ANO2: variants seen among roughly 807,000 people sequenced by gnomAD.
ANO2 encodes the protein anoctamin 2, also known as anoctamin-2.
Under a neutral mutation model 124.2 loss-of-function variants are expected in ANO2, and 101 were observed. The ratio of observed to expected loss-of-function variants is 0.81; its 90% CI spans 0.69 to 0.96. The LOEUF (loss-of-function observed/expected upper bound fraction) is 0.96, where lower values mean the gene tolerates loss of function less well. ANO2 is among the 40% of genes least tolerant of loss of function. ANO2 has a pLI of 0.00. For synonymous variants in ANO2, 486 were observed against 482.5 expected (o/e 1.01, Z -0.09); for missense variants, 1,293 against 1,274.5 (o/e 1.01, Z -0.22).
intron 14 of ANO2, among the ~76,000 whole-genome samples, chr12:5,659,423 C>T (rs1947333188): frequency 6.6e-6 from 1 of 152,134 alleles, no homozygotes; most frequent in Non-Finnish European, 1.5e-5. Flanking sequence ...CAGGTCCCAC[C>T]CCTCAGCCCC....
At chr12:5,701,087 A>ATTTTTTTTTTTTTTTTTTTTTTTTTTTT (rs56113538) in intron 14 of ANO2, among the ~76,000 whole-genome samples, 3 of 93,610 alleles carry the variant, frequency 3.2e-5, no homozygotes, top group African/African-American at 4.2e-5. Flanking sequence ...GTCATTTTCA[A>ATTTTTTTTTTTTTTTTTTTTTTTTTTTT]TTTTTTTTTT....
intron 14 of ANO2, among the ~76,000 whole-genome samples, chr12:5,702,079 G>A (rs556529117): frequency 1.3e-5 from 2 of 152,152 alleles, no homozygotes; most frequent in African/African-American, 2.4e-5. Context: ...TTTTTATAAC[G>A]TAAATTCTGT....
intron 3 of ANO2, among the ~76,000 whole-genome samples, chr12:5,874,930 T>C (rs370555744): frequency 4.6e-5 from 7 of 152,282 alleles, no homozygotes; most frequent in Admixed American, 6.5e-5. Flanking sequence ...ATAAACAATA[T>C]ATAAGTGAAT....
chr12:5,764,990 A>T (rs1174139158), intron 10 of ANO2, among the ~76,000 whole-genome samples: 1 of 152,258 alleles, frequency 6.6e-6, no homozygotes, highest in Non-Finnish European at 1.5e-5. Flanking sequence ...AGACTCTTCT[A>T]ACTATCCATA....
At chr12:5,773,983 A>T (rs140284022) in intron 10 of ANO2, among the ~76,000 whole-genome samples, 139 of 152,316 alleles carry the variant, frequency 9.1e-4, no homozygotes, top group African/African-American at 3.2e-3. Context: ...AAAAACTCCA[A>T]AGCAGAGGAT....
At chr12:5,892,565 T>C (rs1939488007) in intron 3 of ANO2, among the ~76,000 whole-genome samples, 2 of 152,042 alleles carry the variant, frequency 1.3e-5, no homozygotes, top group South Asian at 4.1e-4. Flanking sequence ...TACAGGAAAA[T>C]AGTGATTTGA....
chr12:5,651,790 T>C (rs1946927468), intron 14 of ANO2, among the ~76,000 whole-genome samples: 1 of 152,222 alleles, frequency 6.6e-6, no homozygotes, highest in African/African-American at 2.4e-5. Flanking sequence ...ATCTGTTTTA[T>C]GCCCCTCTGG....
intron 11 of ANO2, 146 bp downstream of exon 11, chr12:5,750,690 G>A (rs1438067575): frequency 3.5e-6 from 3 of 857,256 alleles, no homozygotes; most frequent in Admixed American, 6.1e-5. Context: ...ATCTGTCTCT[G>A]GAGGAAAGCT....
intron 5 of ANO2, 89 bp downstream of exon 5, chr12:5,832,363 T>C: frequency 4.0e-6 from 6 of 1,493,472 alleles, no homozygotes; most frequent in Non-Finnish European, 5.4e-6. Context: ...GCACCCACTT[T>C]GGGAGCCCCA....
Position 5,732,677 on chromosome 12 carries a change from C to T in ANO2, c.1435-47G>A, listed in dbSNP as rs141835588. On this transcript the variant is annotated intron_variant, in intron 13 of 24. Transcript: ENST00000682330. Reference sequence around the variant, plus strand: ...GGTTAGTAAACAAAAGGAAGAATGACCTTGGCCTTAGGGTTATAACCAGAC... The same window carrying T: ...GGTTAGTAAACAAAAGGAAGAATGATCTTGGCCTTAGGGTTATAACCAGAC... 2.8e-5 allele frequency: 44 copies of T among 1,577,266 alleles called. No homozygotes were observed. In the East Asian group the frequency reaches 9.9e-4, roughly 35 times the overall value.
At chr12:5,679,155 T>C (rs942261831) in intron 14 of ANO2, among the ~76,000 whole-genome samples, 2 of 122,438 alleles carry the variant, frequency 1.6e-5, no homozygotes, top group African/African-American at 5.1e-5. Context: ...ATTAAATACT[T>C]AAATGTAAAA....
chr12:5,788,976 A>C (rs975616633), intron 10 of ANO2, among the ~76,000 whole-genome samples: 2 of 152,208 alleles, frequency 1.3e-5, no homozygotes, highest in Non-Finnish European at 2.9e-5. Flanking sequence ...ATCCCCATAG[A>C]GATGATCCTG....
At chr12:5,628,587 C>T (rs552667085) in intron 16 of ANO2, among the ~76,000 whole-genome samples, 2 of 152,274 alleles carry the variant, frequency 1.3e-5, no homozygotes, top group African/African-American at 4.8e-5. Context: ...ATTACCTACC[C>T]TCCTGGGGCT....
At chr12:5,836,890 A>C (rs1226601470) in intron 4 of ANO2, 1 of 154,346 alleles carries the variant, frequency 6.5e-6, no homozygotes, top group Non-Finnish European at 1.5e-5. Flanking sequence ...GTAATTTTAT[A>C]CTTATTTGAG....
At chr12:5,765,177 T>C (rs2137112743) in intron 10 of ANO2, among the ~76,000 whole-genome samples, 1 of 152,272 alleles carries the variant, frequency 6.6e-6, no homozygotes, top group South Asian at 2.1e-4. Flanking sequence ...AGAGAAACAG[T>C]AGCAAGGTTA....
chr12:5,732,806 A>T (rs879271219), intron 13 of ANO2, 176 bp from the exon 14 acceptor site: 1 of 1,607,718 alleles, frequency 6.2e-7, no homozygotes, highest in Non-Finnish European at 8.5e-7. Context: ...TAACATAAGA[A>T]CACAACGTGA....
At chr12:5,837,664 C>A (rs539101885) in intron 4 of ANO2, among the ~76,000 whole-genome samples, 140 of 151,942 alleles carry the variant, frequency 9.2e-4, no homozygotes, top group Non-Finnish European at 1.9e-3. Context: ...TTGAAACCAA[C>A]AAGAACAAAG....
Position 5,577,983 on chromosome 12 carries a change from C to A in ANO2, c.2411G>T (p.Gly804Val). The stretch of plus-strand genomic sequence containing the variant: ...GCTGATAACAGAGAACTTGCCAATT[C>A]CAGAGAGAATGTCAAACCAGATTCC... ...DIGIWFDILS[G>V]IGKFSVISNA... The change falls in exon 22 of 25, where the codon GGA becomes GTA. Residue 804 changes from glycine (G) to valine (V), a missense_variant. Coordinates refer to ENST00000682330, the MANE Select transcript of ANO2 (RefSeq NM_001364791.2). 11 of 1,613,756 alleles carry A rather than the reference C, an allele frequency of 6.8e-6. No homozygotes were observed. Among genetic ancestry groups the A allele is most frequent in the Non-Finnish European group, 8.5e-6 (10 of 1,179,780 alleles).
intron 1 of ANO2, among the ~76,000 whole-genome samples, chr12:5,929,199 C>T (rs1440212776): frequency 2.3e-3 from 223 of 98,506 alleles, no homozygotes; most frequent in East Asian, 7.0e-3. Context: ...CTTCTTTCCT[C>T]ACTCGTCTAC....
Sources: gnomAD v4.1 joint callset for allele counts (sites outside exome capture counted in the v4.1 genomes callset) on GRCh38, gnomAD v4.1.1 for gene constraint, MANE v1.5 for transcripts, NCBI Gene and HGNC (gene_info 2026-07-23, HGNC 2026-07-21) for gene names.